The following KIF1A variants were observed in gnomAD, a reference collection of about 807,000 sequenced individuals.
KIF1A encodes kinesin family member 1A, also known as kinesin-like protein KIF1A.
Under a neutral mutation model 227.3 loss-of-function variants are expected in KIF1A, and 46 were observed. That is an observed-to-expected ratio of 0.20 (90% CI 0.16 to 0.26). The LOEUF is 0.26. Among genes scored for constraint, KIF1A ranks in the 10% least tolerant of loss-of-function variants. The probability of loss-of-function intolerance (pLI) is 1.00; values close to 1 mark genes in which losing one functional copy is unlikely to be tolerated. For synonymous variants in KIF1A, 1,022 were observed against 1,012.8 expected, an observed-to-expected ratio of 1.01 and a Z score of -0.17; for missense variants, 1,683 against 2,485.9, an observed-to-expected ratio of 0.68 and a Z score of 6.87.
rs1263248431 is a variant in KIF1A at position 240,766,745 on chromosome 2, T to TCACACA, written c.1684+169_1684+170insTGTGTG. ...AAATCTCTCTCTCTCTCTCTCTCTC[T>TCACACA]CTCTCACACACACACACACACACAC... On this transcript the variant is annotated intron_variant, in intron 19 of 48. Coordinates refer to ENST00000498729, the MANE Select transcript of KIF1A (RefSeq NM_001244008.2). The surrounding 1 kb of genome is among the most constrained non-coding windows in gnomAD (Gnocchi z 5.0). 0.023 allele frequency among the ~76,000 whole-genome samples: 2,942 copies of TCACACA among 126,622 alleles called. 39 individuals carry two copies. Among genetic ancestry groups the TCACACA allele is most frequent in the Middle Eastern group, 0.036 (9 of 252 alleles). The allele number at this position is 126,622 out of a possible 152,430, so 83.1% of individuals were successfully genotyped here.
intron 1 of KIF1A, among the ~76,000 whole-genome samples, chr2:240,819,284 C>A (rs2106391310): frequency 6.6e-6 from 1 of 152,296 alleles, no homozygotes; most frequent in South Asian, 2.1e-4. Flanking sequence ...GCCCGGGCGC[C>A]GGGGGCGCGC....
At chr2:240,796,600 G>A (rs1325109926) in intron 2 of KIF1A, among the ~76,000 whole-genome samples, 2 of 152,216 alleles carry the variant, frequency 1.3e-5, no homozygotes, top group African/African-American at 4.8e-5. Flanking sequence ...ATGAAGAACA[G>A]TCAGGATGCA....
chr2:240,782,878 GCCCCT>G, intron 9 of KIF1A, 161 bp downstream of exon 9: 1 of 692,172 alleles, frequency 1.4e-6, no homozygotes, highest in Admixed American at 2.1e-5. Context: ...AGAAACCAGG[GCCCCT>G]ACCCCTTCTC....
At chr2:240,730,834 ATG>A (rs917357434) in intron 38 of KIF1A, among the ~76,000 whole-genome samples, 1 of 152,198 alleles carries the variant, frequency 6.6e-6, no homozygotes, top group Non-Finnish European at 1.5e-5. Flanking sequence ...TGAAAGCTGG[ATG>A]CAGCATTCGC....
At chr2:240,786,204 A>G (rs901894098) in intron 6 of KIF1A, 131 bp downstream of exon 6, 14 of 866,268 alleles carry the variant, frequency 1.6e-5, no homozygotes, top group Non-Finnish European at 2.5e-5. Flanking sequence ...CCTCGGGCTC[A>G]GGAGGCCACA....
intron 28 of KIF1A, among the ~76,000 whole-genome samples, chr2:240,748,426 C>T (rs1462656716): frequency 2.0e-5 from 3 of 152,156 alleles, no homozygotes; most frequent in Admixed American, 6.5e-5. Flanking sequence ...GGACATGGGC[C>T]GGCCCCACGG....
At chr2:240,770,146 C>T (rs116324679) in intron 15 of KIF1A, among the ~76,000 whole-genome samples, 1 of 152,218 alleles carries the variant, frequency 6.6e-6, no homozygotes, top group Non-Finnish European at 1.5e-5. Context: ...ACAGGCCCAA[C>T]CTCGCCCCCA....
chr2:240,810,045 C>T (rs918761721), intron 1 of KIF1A, among the ~76,000 whole-genome samples: 1 of 152,206 alleles, frequency 6.6e-6, no homozygotes, highest in East Asian at 1.9e-4. Context: ...AGCTCCTGGC[C>T]TCAAGTGATC....
chr2:240,715,011 G>A lies in KIF1A; in HGVS notation c.*2353C>T, dbSNP rs538861917. 6.6e-6 allele frequency: 1 copy of A among 152,426 alleles called. No homozygotes were observed. The highest frequency in any genetic ancestry group is 1.9e-4 in the East Asian group (1 of 5,198). The allele number at this position is 152,426 out of a possible 1,614,324, so 9.4% of individuals were successfully genotyped here. A position where few individuals can be genotyped will look rare whatever the true frequency, so the allele number is the denominator to read the frequency against. ...TGGCCTCAGACACCTGCGACCTGGG[G>A]GGTGCGCCCAGACCCTTTGGAGGCC... On this transcript the variant is annotated 3_prime_UTR_variant, in exon 49 of 49. Coordinates refer to ENST00000498729, the MANE Select transcript of KIF1A (RefSeq NM_001244008.2).
chr2:240,804,034 G>A (rs553394659), intron 1 of KIF1A, among the ~76,000 whole-genome samples: 3 of 152,286 alleles, frequency 2.0e-5, no homozygotes, highest in Non-Finnish European at 4.4e-5. Flanking sequence ...TTGGAAGGCC[G>A]AGGTGGGTGG....
intron 10 of KIF1A, among the ~76,000 whole-genome samples, chr2:240,776,438 C>T (rs1410038527): frequency 6.6e-6 from 1 of 152,242 alleles, no homozygotes; most frequent in African/African-American, 2.4e-5. Context: ...CCCTCTCCCC[C>T]ATCAAACTCC....
chr2:240,731,117 C>CA, intron 38 of KIF1A, among the ~76,000 whole-genome samples: 1 of 152,228 alleles, frequency 6.6e-6, no homozygotes, highest in Non-Finnish European at 1.5e-5. Flanking sequence ...TAGATCCACA[C>CA]AGAGACAGGA....
At chr2:240,796,586 C>T (rs981012047) in intron 2 of KIF1A, among the ~76,000 whole-genome samples, 4 of 152,198 alleles carry the variant, frequency 2.6e-5, no homozygotes, top group African/African-American at 9.7e-5. Flanking sequence ...CAAAACAATT[C>T]ACCATGAAGA....
chr2:240,767,058 A>C (rs2051295467), intron 18 of KIF1A, 37 bp from the exon 19 acceptor site: 6 of 1,486,678 alleles, frequency 4.0e-6, no homozygotes, highest in Non-Finnish European at 5.6e-6. Flanking sequence ...GGCAGCTGGG[A>C]CCCAATACAC....
intron 28 of KIF1A, among the ~76,000 whole-genome samples, chr2:240,748,096 C>T (rs190454170): frequency 3.0e-4 from 46 of 152,318 alleles, no homozygotes; most frequent in Admixed American, 1.5e-3. Context: ...GTAGGATGGC[C>T]GGCAGGAGGC....
At chr2:240,783,365 G>A (rs965927542) in intron 8 of KIF1A, among the ~76,000 whole-genome samples, 4 of 152,300 alleles carry the variant, frequency 2.6e-5, no homozygotes, top group Admixed American at 6.5e-5. Flanking sequence ...AAATGCTTCC[G>A]GGTCCCCTGC....
At chr2:240,745,995 C>A (rs1464699346) in intron 30 of KIF1A, 44 bp downstream of exon 30, 1 of 1,601,638 alleles carries the variant, frequency 6.2e-7, no homozygotes, top group Non-Finnish European at 8.5e-7. Context: ...GGAACCAGGT[C>A]TCAGCATCCC....
In KIF1A at chr2:240,762,950, G is replaced by A. The variant is rs1575589957; in HGVS notation, c.2022+69C>T. On this transcript the variant is annotated intron_variant, in intron 22 of 48. Coordinates refer to ENST00000498729, the MANE Select transcript of KIF1A (RefSeq NM_001244008.2). ...GCCAGGCAAGCAGGGAGGAGTGGGG[G>A]CGTGGGAGGACAGGGGTCCCCTGGT... The A allele has an allele frequency of 6.6e-6, 9 of 1,369,610 alleles. No individual in the cohort carries two copies. The East Asian group carries it at 1.0e-4, about 15-fold the overall frequency. The allele number at this position is 1,369,610 out of a possible 1,614,324, so 84.8% of individuals were successfully genotyped here.
At chr2:240,743,472 T>C (rs2048234492) in intron 33 of KIF1A, among the ~76,000 whole-genome samples, 1 of 152,192 alleles carries the variant, frequency 6.6e-6, no homozygotes, top group Non-Finnish European at 1.5e-5. Flanking sequence ...TGAGATGGCC[T>C]GAGTGGAAGT....
Sources: gnomAD v4.1 joint callset for allele counts (sites outside exome capture counted in the v4.1 genomes callset) on GRCh38, gnomAD v4.1.1 for gene constraint, Gnocchi (gnomAD v3.1) non-coding constraint, MANE v1.5 for transcripts, NCBI Gene and HGNC (gene_info 2026-07-23, HGNC 2026-07-21) for gene names.